SHROOM3: variants seen among roughly 807,000 people sequenced by gnomAD.
SHROOM3 encodes protein Shroom3.
In SHROOM3, 47 loss-of-function variants were observed where a neutral mutation model predicts 138.6. The ratio of observed to expected loss-of-function variants is 0.34; its 90% CI spans 0.27 to 0.43. The LOEUF (loss-of-function observed/expected upper bound fraction) is 0.43, where lower values mean the gene tolerates loss of function less well. SHROOM3 is among the 20% of genes least tolerant of loss of function. The pLI, the probability that SHROOM3 is intolerant of heterozygous loss-of-function variation, is 1.00. For missense variants in SHROOM3, 2,491 were observed against 2,596.5 expected, an observed-to-expected ratio of 0.96 and a Z score of 0.88; for synonymous variants, 1,062 against 1,063.3, an observed-to-expected ratio of 1.00 and a Z score of 0.02.
At chr4:76,538,942 A>G (rs1260817133) in intron 1 of SHROOM3, among the ~76,000 whole-genome samples, 1 of 152,172 alleles carries the variant, frequency 6.6e-6, no homozygotes, top group African/African-American at 2.4e-5. Flanking sequence ...CATATTGGCC[A>G]TCATTGTTTA....
intron 2 of SHROOM3, among the ~76,000 whole-genome samples, chr4:76,685,473 G>A (rs1201477243): frequency 6.6e-6 from 1 of 152,196 alleles, no homozygotes; most frequent in African/African-American, 2.4e-5. Context: ...CATGCGGCCT[G>A]TAAGCTGAGG....
At chr4:76,438,395 TC>T (rs1560506080) in intron 1 of SHROOM3, among the ~76,000 whole-genome samples, 1 of 152,222 alleles carries the variant, frequency 6.6e-6, no homozygotes, top group Admixed American at 6.5e-5. Flanking sequence ...ATGTGCTCTG[TC>T]CAATATGGTG....
intron 2 of SHROOM3, among the ~76,000 whole-genome samples, chr4:76,629,256 A>C (rs1050430528): frequency 3.3e-5 from 5 of 152,212 alleles, no homozygotes; most frequent in African/African-American, 9.6e-5. Flanking sequence ...TTGTCTGTGC[A>C]AAGACTCTAA....
chr4:76,536,150 A>G (rs1349678295), intron 1 of SHROOM3, among the ~76,000 whole-genome samples: 1 of 152,244 alleles, frequency 6.6e-6, no homozygotes, highest in Non-Finnish European at 1.5e-5. Flanking sequence ...TTGACAAATT[A>G]CTTTCCTTTC....
At position 76,543,539 on chromosome 4, in the gene SHROOM3, G is replaced by A. The variant is rs769103733; in HGVS notation, c.169-12070G>A. Among the ~76,000 whole-genome samples, 15 of 152,172 alleles carry A rather than the reference G, an allele frequency of 9.9e-5. 1 individual carries two copies. The highest frequency in any genetic ancestry group is 2.2e-4 in the Non-Finnish European group (15 of 68,044). Reference sequence around the variant, plus strand: ...ACAGTAACAAACAACCCCAAATCTCGTGGCTTAAACCACAGGTTTATTTCA... The same window carrying A: ...ACAGTAACAAACAACCCCAAATCTCATGGCTTAAACCACAGGTTTATTTCA... On this transcript the variant is annotated intron_variant, in intron 1 of 10. Coordinates refer to ENST00000296043, the MANE Select transcript of SHROOM3 (RefSeq NM_020859.4).
chr4:76,444,085 G>A (rs1019041685), intron 1 of SHROOM3, among the ~76,000 whole-genome samples: 5 of 151,718 alleles, frequency 3.3e-5, no homozygotes, highest in East Asian at 3.9e-4. Context: ...CACCACACCC[G>A]GCTAATTTTT....
chr4:76,777,858 A>G (rs557849351), intron 10 of SHROOM3, among the ~76,000 whole-genome samples: 2 of 152,366 alleles, frequency 1.3e-5, no homozygotes, highest in South Asian at 2.1e-4. Context: ...ATAGAAAAGC[A>G]TAAGAAACTC....
At chr4:76,705,413 C>T (rs1720023043) in intron 2 of SHROOM3, among the ~76,000 whole-genome samples, 1 of 152,234 alleles carries the variant, frequency 6.6e-6, no homozygotes, top group South Asian at 2.1e-4. Context: ...GGGAGGATCA[C>T]TTGAGCCTGG....
At chr4:76,771,365 C>CAA (rs35063022) in intron 10 of SHROOM3, among the ~76,000 whole-genome samples, 282 of 139,090 alleles carry the variant, frequency 2.0e-3, no homozygotes, top group African/African-American at 7.1e-3. Flanking sequence ...GCGACCACAT[C>CAA]AAAAAAAAAA....
At chr4:76,708,547 CCCCT>C (rs1203350144) in intron 2 of SHROOM3, among the ~76,000 whole-genome samples, 1 of 152,184 alleles carries the variant, frequency 6.6e-6, no homozygotes, top group African/African-American at 2.4e-5. Context: ...AAAAGTCCCT[CCCCT>C]GGTTATACCA....
intron 2 of SHROOM3, among the ~76,000 whole-genome samples, chr4:76,673,258 A>G (rs761902420): frequency 2.6e-5 from 4 of 152,182 alleles, no homozygotes; most frequent in Non-Finnish European, 4.4e-5. Flanking sequence ...ATGAATCTCT[A>G]TCAGACTTGA....
chr4:76,484,843 C>T (rs959868626), intron 1 of SHROOM3, among the ~76,000 whole-genome samples: 1 of 152,098 alleles, frequency 6.6e-6, no homozygotes, highest in African/African-American at 2.4e-5. Flanking sequence ...TCTCCCTCTG[C>T]CCCCACCCGC....
chr4:76,775,097 C>A (rs1722506445), intron 10 of SHROOM3, among the ~76,000 whole-genome samples: 1 of 151,952 alleles, frequency 6.6e-6, no homozygotes, highest in Non-Finnish European at 1.5e-5. Context: ...GTCTTTTATC[C>A]CTCACCCACC....
At chr4:76,485,698 T>C (rs1731715086) in intron 1 of SHROOM3, among the ~76,000 whole-genome samples, 1 of 152,182 alleles carries the variant, frequency 6.6e-6, no homozygotes, top group Admixed American at 6.5e-5. Context: ...TATCGCCTCT[T>C]TGTCCTTTCC....
chr4:76,726,435 C>T (rs767886797), intron 3 of SHROOM3, among the ~76,000 whole-genome samples: 49 of 151,618 alleles, frequency 3.2e-4, no homozygotes, highest in Non-Finnish European at 6.3e-4. Context: ...GTCCTCTAGT[C>T]CTTCTCCACT....
chr4:76,611,282 G>A (rs762746781), intron 2 of SHROOM3, among the ~76,000 whole-genome samples: 8 of 150,354 alleles, frequency 5.3e-5, no homozygotes, highest in South Asian at 2.1e-4. Context: ...TAAAGTCTGC[G>A]TTCTCATTCT....
At chr4:76,641,203 C>A (rs1021736661) in intron 2 of SHROOM3, among the ~76,000 whole-genome samples, 6 of 152,182 alleles carry the variant, frequency 3.9e-5, no homozygotes, top group Non-Finnish European at 8.8e-5. Flanking sequence ...AGCCAAGTCC[C>A]ATAATATTCA....
intron 1 of SHROOM3, among the ~76,000 whole-genome samples, chr4:76,522,085 A>G (rs541116023): frequency 1.3e-5 from 2 of 151,986 alleles, no homozygotes; most frequent in African/African-American, 4.8e-5. Flanking sequence ...ATAAGAAAAA[A>G]AGGCAGGGAA....
At chr4:76,640,295 A>G (rs1735628941) in intron 2 of SHROOM3, among the ~76,000 whole-genome samples, 1 of 152,118 alleles carries the variant, frequency 6.6e-6, no homozygotes, top group South Asian at 2.1e-4. Context: ...TTGTAACATG[A>G]TTTCTTTTCA....
Sources: gnomAD v4.1 joint callset for allele counts (sites outside exome capture counted in the v4.1 genomes callset) on GRCh38, gnomAD v4.1.1 for gene constraint, MANE v1.5 for transcripts, NCBI Gene and HGNC (gene_info 2026-07-23, HGNC 2026-07-21) for gene names.